MAGI1: variants seen among roughly 807,000 people sequenced by gnomAD.
MAGI1 encodes the protein membrane-associated guanylate kinase, WW and PDZ domain-containing protein 1.
A neutral mutation model predicts 139.9 loss-of-function variants in MAGI1; 58 were observed. The observed-to-expected ratio is 0.41, with a 90% confidence interval of 0.34 to 0.52. The LOEUF (loss-of-function observed/expected upper bound fraction) is 0.52. Among genes scored for constraint, MAGI1 ranks in the 20% least tolerant of loss-of-function variants. MAGI1 has a pLI of 0.12. For missense variants in MAGI1, 1,874 were observed against 1,901.6 expected, an observed-to-expected ratio of 0.99 and a Z score of 0.27; for synonymous variants, 812 against 737.9, an observed-to-expected ratio of 1.10 and a Z score of -1.63.
chr3:65,999,802 T>C (rs2888303), intron 1 of MAGI1, among the ~76,000 whole-genome samples: 118,811 of 151,726 alleles, frequency 0.78, 46,896 homozygotes, highest in East Asian at 0.96. Flanking sequence ...TGTTCCCCAA[T>C]TGTGCTTTCG....
At chr3:65,442,239 C>A (rs1360357735) in intron 8 of MAGI1, among the ~76,000 whole-genome samples, 2 of 152,052 alleles carry the variant, frequency 1.3e-5, no homozygotes, top group Non-Finnish European at 2.9e-5. Flanking sequence ...GAAACCAGAA[C>A]CTCAGGCAAG....
chr3:65,960,607 C>G (rs2064375943), intron 1 of MAGI1, among the ~76,000 whole-genome samples: 1 of 152,148 alleles, frequency 6.6e-6, no homozygotes, highest in Admixed American at 6.5e-5. Context: ...GTGCGTAATC[C>G]TAATTTAATT....
intron 1 of MAGI1, chr3:65,874,805 G>A (rs902610782): frequency 1.3e-5 from 2 of 152,490 alleles, no homozygotes; most frequent in African/African-American, 4.8e-5. Flanking sequence ...ACCTGTACAT[G>A]AATATCCATA....
At chr3:65,925,152 T>C (rs1335242172) in intron 1 of MAGI1, 1 of 152,168 alleles carries the variant, frequency 6.6e-6, no homozygotes, top group Non-Finnish European at 1.5e-5. Context: ...TGAGAAGACT[T>C]TATCATTTAA....
intron 1 of MAGI1, among the ~76,000 whole-genome samples, chr3:65,719,285 ATG>A (rs60689301): frequency 0.028 from 4,205 of 149,448 alleles, 194 homozygotes; most frequent in African/African-American, 0.095. Flanking sequence ...ATACACATAT[ATG>A]TGTGTGTGTG....
At position 65,662,689 on chromosome 3, in the gene MAGI1, CAT is replaced by C. The variant is rs558922535; in HGVS notation, c.314-40603_314-40602del. 2.4e-4 allele frequency among the ~76,000 whole-genome samples: 36 copies of C among 152,294 alleles called. No individual in the cohort carries two copies. The East Asian group carries it at 2.9e-3, about 12-fold the overall frequency. Reference sequence around the variant, plus strand: ...ACAAATTAACATAGCCATCATCTCACATAGTCACCTCTTTTTTTGTGTCAACA... The same window carrying C: ...ACAAATTAACATAGCCATCATCTCACAGTCACCTCTTTTTTTGTGTCAACA... On this transcript the variant is annotated intron_variant, in intron 1 of 22. Transcript: ENST00000402939.
chr3:65,849,748 A>G (rs2059142150), intron 1 of MAGI1, among the ~76,000 whole-genome samples: 1 of 152,140 alleles, frequency 6.6e-6, no homozygotes, highest in Non-Finnish European at 1.5e-5. Flanking sequence ...CTTCTACACA[A>G]TGGTTAGACT....
chr3:65,672,504 G>C (rs964729170), intron 1 of MAGI1, among the ~76,000 whole-genome samples: 1 of 152,102 alleles, frequency 6.6e-6, no homozygotes, highest in Admixed American at 6.5e-5. Flanking sequence ...TGTAAAAATA[G>C]GATGAAAATG....
intron 1 of MAGI1, among the ~76,000 whole-genome samples, chr3:65,713,976 G>C (rs754245862): frequency 6.6e-6 from 1 of 152,126 alleles, no homozygotes; most frequent in Non-Finnish European, 1.5e-5. Flanking sequence ...GGGGACATAC[G>C]AAAAGCTCAA....
chr3:65,406,883 A>T (rs977859037), intron 12 of MAGI1, among the ~76,000 whole-genome samples: 1 of 152,174 alleles, frequency 6.6e-6, no homozygotes, highest in Non-Finnish European at 1.5e-5. Context: ...ACTGAAAGCC[A>T]CTGAAAGAAA....
chr3:65,390,553 C>T (rs764744515), intron 14 of MAGI1, among the ~76,000 whole-genome samples: 1 of 151,992 alleles, frequency 6.6e-6, no homozygotes, highest in Non-Finnish European at 1.5e-5. Context: ...TTTATACAAG[C>T]CAAGAAGTTA....
intron 2 of MAGI1, among the ~76,000 whole-genome samples, chr3:65,518,279 A>T (rs899253790): frequency 6.6e-6 from 1 of 152,152 alleles, no homozygotes; most frequent in Admixed American, 6.5e-5. Flanking sequence ...CACATTTTAC[A>T]ATCTGTAAAA....
In MAGI1 at chr3:65,745,447, A is replaced by G. The variant is rs944150867; in HGVS notation, c.314-123359T>C. 5.3e-5 allele frequency among the ~76,000 whole-genome samples: 8 copies of G among 152,194 alleles called. No individual in the cohort carries two copies. In the South Asian group the frequency reaches 1.2e-3, roughly 24 times the overall value. On this transcript the variant is annotated intron_variant, in intron 1 of 22. Coordinates refer to ENST00000402939, the MANE Select transcript of MAGI1 (RefSeq NM_001033057.2). The stretch of plus-strand genomic sequence containing the variant: ...AGATCCAATCCACTGACAAAAATAC[A>G]GAGCGTATTACTTACAATTGGAAGC...
intron 2 of MAGI1, among the ~76,000 whole-genome samples, chr3:65,577,522 G>A (rs747719318): frequency 5.3e-5 from 8 of 152,058 alleles, no homozygotes; most frequent in Admixed American, 6.6e-5. Flanking sequence ...ATTCTGTGCC[G>A]GTGGTGAGTG....
At chr3:66,001,365 G>C (rs2066728704) in intron 1 of MAGI1, among the ~76,000 whole-genome samples, 1 of 152,166 alleles carries the variant, frequency 6.6e-6, no homozygotes, top group African/African-American at 2.4e-5. Context: ...GATTATGCTA[G>C]ATCCAAACCA....
In MAGI1 at chr3:65,430,875, G is replaced by T; in HGVS notation, c.1370C>A (p.Pro457His). 4 of 1,612,866 alleles carry T rather than the reference G, an allele frequency of 2.5e-6. No individual in the cohort carries two copies. The highest frequency in any genetic ancestry group is 2.5e-6 in the Non-Finnish European group (3 of 1,179,506). ...PAREVPLQGK[P>H]FFTRNPSELK... ...CTCAGAAGGGTTTCGTGTAAAAAAGGGTTTGCCTGGATTAAAATAAGAAAC... is the reference window on the plus strand; with the variant it reads ...CTCAGAAGGGTTTCGTGTAAAAAAGTGTTTGCCTGGATTAAAATAAGAAAC... Residue 457 changes from proline to histidine, a missense_variant, in exon 11 of 23, where the codon CCC becomes CAC. By Grantham distance (77) the Pro-to-His change is moderately conservative. This residue lies in a region of MAGI1 where 648 missense variants were observed against 598.1 expected (regional missense o/e 1.08). Transcript: ENST00000402939.
At chr3:65,659,010 C>T (rs1033796319) in intron 1 of MAGI1, among the ~76,000 whole-genome samples, 2 of 152,200 alleles carry the variant, frequency 1.3e-5, no homozygotes, top group Non-Finnish European at 1.5e-5. Flanking sequence ...TCCTCTTGTA[C>T]GATAAATGCC....
chr3:65,363,689 C>T, intron 20 of MAGI1, 81 bp from the exon 21 acceptor site: 1 of 1,211,756 alleles, frequency 8.3e-7, no homozygotes, highest in Non-Finnish European at 1.2e-6. Context: ...GGCAAAAAGG[C>T]ACAATCTCTA....
At chr3:65,771,466 T>G (rs995462368) in intron 1 of MAGI1, among the ~76,000 whole-genome samples, 7 of 152,242 alleles carry the variant, frequency 4.6e-5, no homozygotes, top group African/African-American at 1.4e-4. Context: ...CAGGGAAACA[T>G]AGAGATATTT....
Sources: allele counts gnomAD v4.1 joint callset (sites outside exome capture counted in the v4.1 genomes callset), GRCh38; gene constraint gnomAD v4.1.1; regional missense constraint gnomAD v4.1.1; transcripts MANE v1.5; gene names NCBI Gene and HGNC (gene_info 2026-07-23, HGNC 2026-07-21).